Variants in ACO2 observed in about 807,000 individuals in gnomAD.
ACO2 encodes aconitate hydratase, mitochondrial.
Under a neutral mutation model 84.5 loss-of-function variants are expected in ACO2, and 31 were observed. The observed-to-expected ratio is 0.37, with a 90% CI of 0.28 to 0.50. The LOEUF (loss-of-function observed/expected upper bound fraction) is 0.50. Among genes scored for constraint, ACO2 ranks in the 20% least tolerant of loss-of-function variants. The pLI is 0.97. For missense variants in ACO2, 685 were observed against 1,029.3 expected (o/e 0.67, Z 4.58); for synonymous variants, 414 against 412.7 (o/e 1.00, Z -0.04).
In ACO2 at chr22:41,527,639, C is replaced by T. The variant is rs544303371; in HGVS notation, c.2086+219C>T. On this transcript the variant is annotated intron_variant, in intron 16 of 17. Coordinates refer to ENST00000216254, the MANE Select transcript of ACO2 (RefSeq NM_001098.3). ...TGCTTCCAGGCTTGTAGATCTGAGCCGCTGAGATCTAGGACATGTGCCAGG... is the reference window on the plus strand; with the variant it reads ...TGCTTCCAGGCTTGTAGATCTGAGCTGCTGAGATCTAGGACATGTGCCAGG... 15 of 808,568 alleles carry T rather than the reference C, an allele frequency of 1.9e-5. No individual in the cohort carries two copies. The African/African-American group carries it at 2.2e-4, about 12-fold the overall frequency. 50.1% of individuals were successfully genotyped at this position (808,568 alleles called of 1,614,324 possible). A position where few individuals can be genotyped will look rare whatever the true frequency, so the allele number is the denominator to read the frequency against.
At chr22:41,472,150 C>T (rs1174478116) in intron 1 of ACO2, among the ~76,000 whole-genome samples, 1 of 151,946 alleles carries the variant, frequency 6.6e-6, no homozygotes, top group Non-Finnish European at 1.5e-5. Flanking sequence ...GTCAGGAGTT[C>T]GAGACCAGCC....
At chr22:41,482,693 A>G (rs1328018372) in intron 1 of ACO2, among the ~76,000 whole-genome samples, 3 of 152,208 alleles carry the variant, frequency 2.0e-5, no homozygotes, top group Non-Finnish European at 4.4e-5. Context: ...AAAGGATAGG[A>G]CTAGGAAGTT....
At chr22:41,480,589 C>T (rs1264460868) in intron 1 of ACO2, among the ~76,000 whole-genome samples, 1 of 152,170 alleles carries the variant, frequency 6.6e-6, no homozygotes, top group Non-Finnish European at 1.5e-5. Flanking sequence ...CTCATTCTCC[C>T]AGGCGAACTG....
In ACO2 at chr22:41,469,172, C is replaced by G. The variant is rs146048865; in HGVS notation, c.26C>G (p.Thr9Ser). Residue 9 changes from threonine to serine, a missense_variant, in exon 1 of 18, where the codon ACT (threonine) becomes AGT (serine). By Grantham distance (58) the Thr-to-Ser change is moderately conservative. Around this residue, in one of 5 missense-constraint regions of ACO2, gnomAD observed 98 missense variants for 107.6 expected, o/e 0.91. Transcript: ENST00000216254. Reference protein sequence around the residue: MAPYSLLVTRLQKALGVRQ... With the variant: MAPYSLLVSRLQKALGVRQ... ...ATGGCGCCCTACAGCCTACTGGTGA[C>G]TCGGCTGCAGGTGAGCGAGCTCAGG... is the stretch of plus-strand genomic sequence containing the variant. The G allele has an allele frequency of 8.7e-6, 14 of 1,608,494 alleles. No homozygotes were observed. The highest frequency in any genetic ancestry group is 1.1e-5 in the Non-Finnish European group (13 of 1,177,312).
chr22:41,528,322 G>A (rs1233961410), intron 17 of ACO2, 157 bp from the exon 18 acceptor site: 4 of 1,108,102 alleles, frequency 3.6e-6, no homozygotes, highest in Non-Finnish European at 5.0e-6. Flanking sequence ...GTGCCACCTG[G>A]GTCTGACCTG....
In ACO2 at chr22:41,507,814, C is replaced by G; in HGVS notation, c.197C>G (p.Ser66Trp). 6.2e-7 allele frequency: 1 copy of G among 1,614,128 alleles called. No homozygotes were observed. Among genetic ancestry groups the G allele is most frequent in the Non-Finnish European group, 8.5e-7 (1 of 1,180,006 alleles). ...AGACTGAACCGGCCGCTGACACTCTCGGAGAAGATTGTGTATGGACACCTG... is the reference window on the plus strand; with the variant it reads ...AGACTGAACCGGCCGCTGACACTCTGGGAGAAGATTGTGTATGGACACCTG... ...RKRLNRPLTLSEKIVYGHLDD... is the reference protein window; with the variant it reads ...RKRLNRPLTLWEKIVYGHLDD... Residue 66 changes from serine (S) to tryptophan (W), a missense_variant, in exon 3 of 18, where the codon TCG becomes TGG. By Grantham distance (177) the Ser-to-Trp change is radical. This residue lies in a region of ACO2 where 98 missense variants were observed against 107.6 expected (regional missense o/e 0.91). Coordinates refer to ENST00000216254, the MANE Select transcript of ACO2 (RefSeq NM_001098.3).
chr22:41,487,076 G>A (rs1422953498), intron 1 of ACO2, among the ~76,000 whole-genome samples: 1 of 151,958 alleles, frequency 6.6e-6, no homozygotes, highest in Non-Finnish European at 1.5e-5. Context: ...TAGAGACAGG[G>A]TTTCACCATG....
At chr22:41,516,703 G>A (rs770062817) in intron 6 of ACO2, among the ~76,000 whole-genome samples, 25 of 152,154 alleles carry the variant, frequency 1.6e-4, no homozygotes, top group Non-Finnish European at 2.8e-4. Flanking sequence ...TCCAGACAGT[G>A]TGTATCATTT....
At chr22:41,496,674 CT>C (rs1447090194) in intron 1 of ACO2, among the ~76,000 whole-genome samples, 1 of 152,148 alleles carries the variant, frequency 6.6e-6, no homozygotes, top group Non-Finnish European at 1.5e-5. Flanking sequence ...GTGGAAGGTC[CT>C]TTGATGTCAT....
At chr22:41,524,746 T>C (rs2066563633) in intron 12 of ACO2, 100 bp from the exon 13 acceptor site, 3 of 1,564,422 alleles carry the variant, frequency 1.9e-6, no homozygotes, top group Non-Finnish European at 2.6e-6. Flanking sequence ...CATGGAAATT[T>C]CCTGGGTTCC....
intron 2 of ACO2, among the ~76,000 whole-genome samples, chr22:41,502,139 T>C (rs2066357977): frequency 6.6e-6 from 1 of 152,186 alleles, no homozygotes; most frequent in African/African-American, 2.4e-5. Context: ...CTTGTTCTTG[T>C]GGGTTTCTTC....
At chr22:41,504,864 T>C (rs1164546946) in intron 2 of ACO2, among the ~76,000 whole-genome samples, 1 of 151,786 alleles carries the variant, frequency 6.6e-6, no homozygotes, top group Non-Finnish European at 1.5e-5. Context: ...TCTGGGACTA[T>C]AGGCACATGC....
intron 1 of ACO2, among the ~76,000 whole-genome samples, chr22:41,471,219 G>A (rs943893985): frequency 6.6e-6 from 1 of 152,158 alleles, no homozygotes; most frequent in Non-Finnish European, 1.5e-5. Context: ...TTATACAGGT[G>A]GAAAAATCTA....
At chr22:41,519,017 T>C (rs535047103) in intron 8 of ACO2, among the ~76,000 whole-genome samples, 76 of 152,252 alleles carry the variant, frequency 5.0e-4, no homozygotes, top group African/African-American at 1.7e-3. Flanking sequence ...AACTGCTTCC[T>C]GAAGCAGCCT....
intron 1 of ACO2, among the ~76,000 whole-genome samples, chr22:41,478,064 C>G (rs1042583634): frequency 7.5e-5 from 11 of 145,850 alleles, no homozygotes; most frequent in Admixed American, 4.8e-4. Flanking sequence ...GACTCTGTCT[C>G]AAAAAAAAAA....
Position 41,499,926 on chromosome 22 carries a change from C to T in ACO2, c.173+64C>T, listed in dbSNP as rs2146106348. 6 of 1,588,536 alleles carry T rather than the reference C, an allele frequency of 3.8e-6. No homozygotes were observed. The East Asian group carries it at 6.8e-5, about 18-fold the overall frequency. Reference sequence around the variant, plus strand: ...TTGCGTCTGCTGCCTGCCCGTCAGGCAGAGAAGGAGGTGTTTTGTGAAGGA... The same window carrying T: ...TTGCGTCTGCTGCCTGCCCGTCAGGTAGAGAAGGAGGTGTTTTGTGAAGGA... On this transcript the variant is annotated intron_variant, in intron 2 of 17. Transcript: ENST00000216254.
intron 1 of ACO2, among the ~76,000 whole-genome samples, chr22:41,496,631 A>G (rs1293732836): frequency 6.6e-6 from 1 of 152,154 alleles, no homozygotes; most frequent in East Asian, 1.9e-4. Flanking sequence ...ACTGCAGCAG[A>G]AATACACTAC....
Position 41,507,847 on chromosome 22 carries a change from C to A in ACO2, c.230C>A (p.Pro77His). Reference protein sequence around the residue: ...EKIVYGHLDDPASQEIERGKS... With the variant: ...EKIVYGHLDDHASQEIERGKS... ...ATTGTGTATGGACACCTGGATGACC[C>A]CGCCAGCCAGGAAATTGAGCGAGGC... is the stretch of plus-strand genomic sequence containing the variant. The change falls in exon 3 of 18, where the codon CCC becomes CAC. Residue 77 changes from proline to histidine, a missense_variant. Transcript: ENST00000216254. 1 of 1,614,238 alleles carries A rather than the reference C, an allele frequency of 6.2e-7. No individual in the cohort carries two copies. Among genetic ancestry groups the A allele is most frequent in the Non-Finnish European group, 8.5e-7 (1 of 1,180,052 alleles).
intron 1 of ACO2, among the ~76,000 whole-genome samples, chr22:41,482,878 C>G (rs1025826984): frequency 6.6e-6 from 1 of 152,130 alleles, no homozygotes; most frequent in Non-Finnish European, 1.5e-5. Flanking sequence ...GCCCAGATCT[C>G]CAAAGCTGGA....
Sources: gnomAD v4.1 joint callset for allele counts (sites outside exome capture counted in the v4.1 genomes callset) on GRCh38, gnomAD v4.1.1 for gene constraint, gnomAD v4.1.1 regional missense constraint, MANE v1.5 for transcripts, NCBI Gene and HGNC (gene_info 2026-07-23, HGNC 2026-07-21) for gene names.